The following FSTL5 variants were observed in gnomAD, a reference collection of about 807,000 sequenced individuals.
FSTL5 encodes follistatin like 5, also known as follistatin-related protein 5.
In FSTL5, 62 loss-of-function variants were observed where a neutral mutation model predicts 89.1. The observed-to-expected ratio is 0.70, with a 90% CI of 0.57 to 0.86. The LOEUF is 0.86. FSTL5 is among the 40% of genes least tolerant of loss of function. The probability of loss-of-function intolerance (pLI) is 0.00; values close to 1 mark genes in which losing one functional copy is unlikely to be tolerated. For missense variants in FSTL5, 1,057 were observed against 1,001.6 expected (o/e 1.06, Z -0.75); for synonymous variants, 383 against 346.2 (o/e 1.11, Z -1.18).
intron 7 of FSTL5, among the ~76,000 whole-genome samples, chr4:161,627,835 C>A (rs1181000592): frequency 2.0e-5 from 3 of 152,010 alleles, no homozygotes; most frequent in African/African-American, 7.2e-5. Context: ...AATTTTACAT[C>A]TGATATAAAA....
intron 4 of FSTL5, among the ~76,000 whole-genome samples, chr4:161,826,499 T>A (rs1264258637): frequency 6.6e-6 from 1 of 152,196 alleles, no homozygotes; most frequent in Non-Finnish European, 1.5e-5. Flanking sequence ...AGTCCCCCAC[T>A]AATATTGTGT....
intron 4 of FSTL5, among the ~76,000 whole-genome samples, chr4:161,791,879 A>C (rs745450903): frequency 5.3e-5 from 8 of 152,200 alleles, no homozygotes; most frequent in Non-Finnish European, 1.2e-4. Context: ...AGCAGCTGCA[A>C]AGACATTTGC....
At chr4:161,982,207 A>G (rs914827171) in intron 3 of FSTL5, among the ~76,000 whole-genome samples, 13 of 152,182 alleles carry the variant, frequency 8.5e-5, no homozygotes, top group Non-Finnish European at 1.6e-4. Context: ...TTGTGTTATG[A>G]CGGTCTGTGT....
At chr4:161,896,655 T>C (rs1394847224) in intron 4 of FSTL5, among the ~76,000 whole-genome samples, 3 of 152,170 alleles carry the variant, frequency 2.0e-5, no homozygotes, top group Non-Finnish European at 1.5e-5. Flanking sequence ...CTGTAATATC[T>C]TAAACCTGTG....
At chr4:161,633,240 C>T (rs1578982164) in intron 7 of FSTL5, among the ~76,000 whole-genome samples, 2 of 150,238 alleles carry the variant, frequency 1.3e-5, no homozygotes, top group African/African-American at 2.4e-5. Flanking sequence ...ATACAGCTTC[C>T]CCCCCACTTT....
At chr4:161,978,326 AAAAACAAAACAAAAG>A (rs1316245775) in intron 3 of FSTL5, among the ~76,000 whole-genome samples, 1 of 152,204 alleles carries the variant, frequency 6.6e-6, no homozygotes, top group African/African-American at 2.4e-5. Flanking sequence ...CTTCAATTGG[AAAAACAAAACAAAAG>A]AAAACAAAAC....
At chr4:161,836,572 T>C (rs1441342954) in intron 4 of FSTL5, among the ~76,000 whole-genome samples, 2 of 151,958 alleles carry the variant, frequency 1.3e-5, no homozygotes, top group Non-Finnish European at 1.5e-5. Flanking sequence ...GGTGATGAGC[T>C]GGTCATGGAG....
chr4:161,559,012 T>C (rs1732493126), intron 8 of FSTL5, among the ~76,000 whole-genome samples: 1 of 151,968 alleles, frequency 6.6e-6, no homozygotes, highest in Non-Finnish European at 1.5e-5. Context: ...AAATCCATTC[T>C]TCATTCTTCA....
intron 14 of FSTL5, among the ~76,000 whole-genome samples, chr4:161,455,912 C>G (rs978227488): frequency 6.6e-6 from 1 of 152,146 alleles, no homozygotes; most frequent in Non-Finnish European, 1.5e-5. Context: ...AAAGTAACTT[C>G]CTAAACTACT....
At chr4:161,988,987 C>A (rs1410912892) in intron 3 of FSTL5, among the ~76,000 whole-genome samples, 1 of 152,148 alleles carries the variant, frequency 6.6e-6, no homozygotes, top group Non-Finnish European at 1.5e-5. Flanking sequence ...GACAAAGTGT[C>A]TGATGGGAAA....
intron 2 of FSTL5, among the ~76,000 whole-genome samples, chr4:162,064,810 C>T (rs1738835096): frequency 6.6e-6 from 1 of 151,946 alleles, no homozygotes. Context: ...CCAACATTTC[C>T]AATTTCCTTC....
intron 6 of FSTL5, among the ~76,000 whole-genome samples, chr4:161,690,340 C>T (rs1002650040): frequency 6.6e-6 from 1 of 152,004 alleles, no homozygotes; most frequent in Non-Finnish European, 1.5e-5. Context: ...GTAAAATATA[C>T]ATATAAAATT....
intron 8 of FSTL5, among the ~76,000 whole-genome samples, chr4:161,562,491 A>C (rs1183937012): frequency 6.6e-6 from 1 of 151,944 alleles, no homozygotes; most frequent in Non-Finnish European, 1.5e-5. Flanking sequence ...GTCTTCTATA[A>C]TTTATTTCTA....
chr4:161,796,323 A>C (rs2126824967), intron 4 of FSTL5, among the ~76,000 whole-genome samples: 1 of 151,962 alleles, frequency 6.6e-6, no homozygotes, highest in South Asian at 2.1e-4. Context: ...TTATTGAAGA[A>C]TGGAAGGAAT....
rs191171571 is a variant in FSTL5, at chr4:161,542,407, T to C, written c.1177+125A>G. ...ATTTCTTAGATATGAGCATTTTTTT[T>C]CATATTTGTGACATTCTGTTGCCAC... is the stretch of plus-strand genomic sequence containing the variant. On this transcript the variant is annotated intron_variant, in intron 9 of 15. Transcript: ENST00000306100. 1,700 of 500,962 alleles carry C rather than the reference T, an allele frequency of 3.4e-3. 10 individuals carry two copies. The highest frequency in any genetic ancestry group is 3.7e-3 in the Non-Finnish European group (1,134 of 302,552). The allele number at this position is 500,962 out of a possible 1,614,324, so 31.0% of individuals were successfully genotyped here.
chr4:161,943,407 T>C (rs1012837468), intron 3 of FSTL5, among the ~76,000 whole-genome samples: 1 of 151,742 alleles, frequency 6.6e-6, no homozygotes, highest in Admixed American at 6.6e-5. Flanking sequence ...ATGAATTTGT[T>C]TCCATTTATT....
chr4:161,406,748 C>G (rs1379870527), intron 15 of FSTL5, among the ~76,000 whole-genome samples: 1 of 152,168 alleles, frequency 6.6e-6, no homozygotes, highest in Admixed American at 6.5e-5. Flanking sequence ...GCTATACCAT[C>G]TCTTTTGTGG....
At position 161,929,199 on chromosome 4, in the gene FSTL5, A is replaced by G. The variant is rs1734210812; in HGVS notation, c.161-8547T>C. On this transcript the variant is annotated intron_variant, in intron 3 of 15. Transcript: ENST00000306100. ...AAATATGGATATCCAGTGCTTCAGC[A>G]CCATTTGTTGACAAGAATATCCTTT... Among the ~76,000 whole-genome samples, 3 of 147,078 alleles carry G rather than the reference A, an allele frequency of 2.0e-5. No homozygotes were observed. The South Asian group carries it at 6.4e-4, about 31-fold the overall frequency.
intron 1 of FSTL5, among the ~76,000 whole-genome samples, chr4:162,123,292 G>A (rs1312686218): frequency 6.6e-6 from 1 of 152,076 alleles, no homozygotes; most frequent in Non-Finnish European, 1.5e-5. Context: ...CATTCATAGG[G>A]GTCAGCTAAG....
Sources: gnomAD v4.1 joint callset for allele counts (sites outside exome capture counted in the v4.1 genomes callset) on GRCh38, gnomAD v4.1.1 for gene constraint, MANE v1.5 for transcripts, NCBI Gene and HGNC (gene_info 2026-07-23, HGNC 2026-07-21) for gene names.